Variants in THBS1 observed in about 807,000 individuals in gnomAD.
The protein encoded by THBS1 is thrombospondin-1.
A neutral mutation model predicts 126.1 loss-of-function variants in THBS1; 29 were observed. The observed-to-expected ratio is 0.23, with a 90% CI of 0.17 to 0.31. The LOEUF (loss-of-function observed/expected upper bound fraction) is 0.31. Among genes scored for constraint, THBS1 ranks in the 10% least tolerant of loss-of-function variants. THBS1 has a pLI of 1.00. For synonymous variants in THBS1, 496 were observed against 577.8 expected, an observed-to-expected ratio of 0.86 and a Z score of 2.03; for missense variants, 1,198 against 1,545.2, an observed-to-expected ratio of 0.78 and a Z score of 3.77.
rs1348698718 is a variant in THBS1, at chr15:39,597,687, T to A, written c.*2318T>A. 1.3e-5 allele frequency: 2 copies of A among 152,192 alleles called. No homozygotes were observed. The highest frequency in any genetic ancestry group is 4.8e-5 in the African/African-American group (2 of 41,444). The allele number at this position is 152,192 out of a possible 1,614,324, so 9.4% of individuals were successfully genotyped here. On this transcript the variant is annotated 3_prime_UTR_variant, in exon 22 of 22. Coordinates refer to ENST00000260356, the MANE Select transcript of THBS1 (RefSeq NM_003246.4). ...AAAAGAACAAAATGATACATTAGCCTGCCATATCAAAAACATATAAAAGAG... is the reference window on the plus strand; with the variant it reads ...AAAAGAACAAAATGATACATTAGCCAGCCATATCAAAAACATATAAAAGAG...
chr15:39,583,032 G>C (rs910854196), intron 3 of THBS1, among the ~76,000 whole-genome samples: 1 of 152,148 alleles, frequency 6.6e-6, no homozygotes, highest in Non-Finnish European at 1.5e-5. Context: ...ACAAGAAATG[G>C]TTTTCCTTTA....
At position 39,589,593 on chromosome 15, in the gene THBS1, A is replaced by G. The variant is rs897001181; in HGVS notation, c.1927-212A>G. Among the ~76,000 whole-genome samples, 1 of 152,238 alleles carries G rather than the reference A, an allele frequency of 6.6e-6. No individual in the cohort carries two copies. The highest frequency in any genetic ancestry group is 2.1e-4 in the South Asian group (1 of 4,828). On this transcript the variant is annotated intron_variant, in intron 12 of 21. Coordinates refer to ENST00000260356, the MANE Select transcript of THBS1 (RefSeq NM_003246.4). This position sits in a 1 kb window ranked among gnomAD's most constrained non-coding sequence, Gnocchi z 4.7. ...ATAAGTTGTGAGCAGATGGACTTGTAAACGCCTAGGTGCTGAGCAAATTCA... is the reference window on the plus strand; with the variant it reads ...ATAAGTTGTGAGCAGATGGACTTGTGAACGCCTAGGTGCTGAGCAAATTCA...
Position 39,593,097 on chromosome 15 carries a change from C to T in THBS1, c.2865C>T (p.Thr955=), listed in dbSNP as rs139289744. ...CTGAGAATGTTGACATCAGTGAGAC[C>T]GATTTCCGCCGATTCCAGATGATTC... ...ICPENVDISE[T]DFRRFQMIPL... Residue 955 remains threonine (T), a synonymous_variant, in exon 18 of 22, where the codon ACC becomes ACT. Transcript: ENST00000260356. The surrounding 1 kb of genome is among the most constrained non-coding windows in gnomAD (Gnocchi z 5.9). 2.4e-5 allele frequency: 38 copies of T among 1,596,036 alleles called. No individual in the cohort carries two copies. The African/African-American group carries it at 2.6e-4, about 11-fold the overall frequency.
At position 39,588,969 on chromosome 15, in the gene THBS1, G is replaced by A. The variant is rs538789781; in HGVS notation, c.1656G>A (p.Leu552=). The A allele has an allele frequency of 6.2e-7, 1 of 1,614,064 alleles. No homozygotes were observed. The highest frequency in any genetic ancestry group is 1.3e-5 in the African/African-American group (1 of 74,900). ...NKQDCPIDGC[L]SNPCFAGVKC... ...CTCTCCTTGTCTCAGATGGATGCCT[G>A]TCCAATCCCTGCTTTGCCGGCGTGA... Residue 552 remains leucine (L), a synonymous_variant, in exon 11 of 22, where the codon CTG becomes CTA. Transcript: ENST00000260356.
rs1483363641 is a variant in THBS1 at position 39,598,555 on chromosome 15, T to C, written c.*3186T>C. ...TTCTTGGATAGTGAAGCAAAACTGATTGAAAATACCAAGATAAGACAGAAA... is the reference window on the plus strand; with the variant it reads ...TTCTTGGATAGTGAAGCAAAACTGACTGAAAATACCAAGATAAGACAGAAA... On this transcript the variant is annotated 3_prime_UTR_variant, in exon 22 of 22. Coordinates refer to ENST00000260356, the MANE Select transcript of THBS1 (RefSeq NM_003246.4). 6.6e-6 allele frequency: 1 copy of C among 152,176 alleles called. No homozygotes were observed. Among genetic ancestry groups the C allele is most frequent in the Non-Finnish European group, 1.5e-5 (1 of 68,024 alleles). The allele number at this position is 152,176 out of a possible 1,614,324, so 9.4% of individuals were successfully genotyped here.
In THBS1 at chr15:39,587,364, G is replaced by C; in HGVS notation, c.1138G>C (p.Asp380His). ...PRCWPSDSAD[D>H]GWSPWSEWTS... ...CCCTGCAGCCAGCGACTCTGCGGAC[G>C]ATGGCTGGTCTCCATGGTCCGAGTG... The change falls in exon 8 of 22, where the codon GAT (aspartate) becomes CAT (histidine). Residue 380 changes from aspartate (D) to histidine (H), a missense_variant. Asp to His is a moderately conservative substitution (Grantham distance 81). Around this residue, in one of 4 missense-constraint regions of THBS1, gnomAD observed 663 missense variants for 860.1 expected, o/e 0.77. Coordinates refer to ENST00000260356, the MANE Select transcript of THBS1 (RefSeq NM_003246.4). 1 of 1,613,082 alleles carries C rather than the reference G, an allele frequency of 6.2e-7. No individual in the cohort carries two copies. Among genetic ancestry groups the C allele is most frequent in the Non-Finnish European group, 8.5e-7 (1 of 1,179,434 alleles).
chr15:39,588,282 C>T, intron 9 of THBS1, 64 bp downstream of exon 9: 6 of 1,555,488 alleles, frequency 3.9e-6, no homozygotes, highest in South Asian at 1.2e-5. Context: ...GGTTGCCTGG[C>T]ATCTGCAGCC....
chr15:39,594,099 G>A lies in THBS1; in HGVS notation c.3268G>A (p.Val1090Met). The A allele has an allele frequency of 1.2e-6, 2 of 1,613,368 alleles. No homozygotes were observed. Among genetic ancestry groups the A allele is most frequent in the Middle Eastern group, 1.6e-4 (1 of 6,062 alleles). ...ACCTTTCCTTTTCCTTTTCCTTCAG[G>A]TGCGCACCCTGTGGCATGACCCTCG... is the stretch of plus-strand genomic sequence containing the variant. ...LWHTGNTPGQ[V>M]RTLWHDPRHI... Residue 1090 changes from valine (V) to methionine (M), a missense_variant and splice_region_variant, in exon 20 of 22, where the codon GTG (valine) becomes ATG (methionine). This residue lies in a region of THBS1 where 255 missense variants were observed against 373.9 expected (regional missense o/e 0.68). Transcript: ENST00000260356. The surrounding 1 kb of genome is among the most constrained non-coding windows in gnomAD (Gnocchi z 4.4).
At position 39,581,639 on chromosome 15, in the gene THBS1, C is replaced by CCTCTCTCTCTCTCTCTCTCTCTCTCT. The variant is rs3138595; in HGVS notation, c.-29-186_-29-161dup. 349 of 365,966 alleles carry CCTCTCTCTCTCTCTCTCTCTCTCTCT rather than the reference C, an allele frequency of 9.5e-4. 13 individuals carry two copies. Among genetic ancestry groups the CCTCTCTCTCTCTCTCTCTCTCTCTCT allele is most frequent in the African/African-American group, 8.7e-3 (316 of 36,422 alleles). 22.7% of individuals were successfully genotyped at this position (365,966 alleles called of 1,614,324 possible). A position where few individuals can be genotyped will look rare whatever the true frequency, so the allele number is the denominator to read the frequency against. On this transcript the variant is annotated intron_variant, in intron 1 of 21. Coordinates refer to ENST00000260356, the MANE Select transcript of THBS1 (RefSeq NM_003246.4). ...TTAAAACCAGCATCTCTTTCCTCCA[C>CCTCTCTCTCTCTCTCTCTCTCTCTCT]CTCTCTCTCTCTCTCTCTCTCTCTC...
chr15:39,593,426 A>G lies in THBS1; in HGVS notation c.3025A>G (p.Ser1009Gly). 3 of 1,614,164 alleles carry G rather than the reference A, an allele frequency of 1.9e-6. No homozygotes were observed. Among genetic ancestry groups the G allele is most frequent in the East Asian group, 2.2e-5 (1 of 44,878 alleles). The change falls in exon 19 of 22, where the codon AGT (serine) becomes GGT (glycine). Residue 1009 changes from serine to glycine, a missense_variant. Physicochemically the swap from Ser to Gly is moderately conservative, Grantham distance 56. Coordinates refer to ENST00000260356, the MANE Select transcript of THBS1 (RefSeq NM_003246.4). This position sits in a 1 kb window ranked among gnomAD's most constrained non-coding sequence, Gnocchi z 5.9. Reference sequence around the variant, plus strand: ...TGATGAGTTTAATGCTGTGGACTTCAGTGGCACCTTCTTCATCAACACCGA... The same window carrying G: ...TGATGAGTTTAATGCTGTGGACTTCGGTGGCACCTTCTTCATCAACACCGA... Reference protein sequence around the residue: ...GYDEFNAVDFSGTFFINTERD... With the variant: ...GYDEFNAVDFGGTFFINTERD...
In THBS1 at chr15:39,585,466, G is replaced by A; in HGVS notation, c.1027-4G>A. ...TGTTCCCCTCTCACTCTCTTGCCCT[G>A]CAGAACTCAGTTACCATCTGCAAAA... On this transcript the variant is annotated splice_region_variant and splice_polypyrimidine_tract_variant and intron_variant, in intron 6 of 21. Transcript: ENST00000260356. 1.2e-6 allele frequency: 2 copies of A among 1,613,930 alleles called. No homozygotes were observed. The highest frequency in any genetic ancestry group is 1.6e-4 in the Middle Eastern group (1 of 6,062).
In THBS1 at chr15:39,582,672, A is replaced by G. The variant is rs980866667; in HGVS notation, c.547A>G (p.Ile183Val). 6.2e-7 allele frequency: 1 copy of G among 1,613,644 alleles called. No individual in the cohort carries two copies. Among genetic ancestry groups the G allele is most frequent in the Non-Finnish European group, 8.5e-7 (1 of 1,180,022 alleles). Residue 183 changes from isoleucine (I) to valine (V), a missense_variant, in exon 3 of 22, where the codon ATC becomes GTC. Coordinates refer to ENST00000260356, the MANE Select transcript of THBS1 (RefSeq NM_003246.4). ...GGAGAATGCTGAGTTGGACGTCCCCATCCAAAGCGTCTTCACCAGAGACCT... is the reference window on the plus strand; with the variant it reads ...GGAGAATGCTGAGTTGGACGTCCCCGTCCAAAGCGTCTTCACCAGAGACCT... ...KMENAELDVP[I>V]QSVFTRDLAS...
rs1323189360 is a variant in THBS1, at chr15:39,588,177, A to G, written c.1430A>G (p.Glu477Gly). ...PQMNGKPCEG[E>G]ARETKACKKD... ...ATGAACGGGAAACCCTGTGAAGGCG[A>G]AGCGCGGGAGACCAAAGCCTGCAAG... Residue 477 changes from glutamate to glycine, a missense_variant, in exon 9 of 22, where the codon GAA becomes GGA. Physicochemically the swap from Glu to Gly is moderately conservative, Grantham distance 98. Around this residue, in one of 4 missense-constraint regions of THBS1, gnomAD observed 663 missense variants for 860.1 expected, o/e 0.77. Transcript: ENST00000260356. 6.2e-7 allele frequency: 1 copy of G among 1,614,056 alleles called. No individual in the cohort carries two copies. Among genetic ancestry groups the G allele is most frequent in the Admixed American group, 1.7e-5 (1 of 60,014 alleles).
In THBS1 at chr15:39,589,897, G is replaced by A. The variant is rs1245988319; in HGVS notation, c.2019G>A (p.Met673Ile). ...ACCTGGGCCACTATAGCGACCCCATGTACCGCTGCGAGTGCAAGCCTGGCT... is the reference window on the plus strand; with the variant it reads ...ACCTGGGCCACTATAGCGACCCCATATACCGCTGCGAGTGCAAGCCTGGCT... The part of the protein sequence containing the change: ...CNYLGHYSDP[M>I]YRCECKPGYA... The change falls in exon 13 of 22, where the codon ATG (methionine) becomes ATA (isoleucine). Residue 673 changes from methionine (M) to isoleucine (I), a missense_variant. Around this residue, in one of 4 missense-constraint regions of THBS1, gnomAD observed 663 missense variants for 860.1 expected, o/e 0.77. Coordinates refer to ENST00000260356, the MANE Select transcript of THBS1 (RefSeq NM_003246.4). The surrounding 1 kb of genome is among the most constrained non-coding windows in gnomAD (Gnocchi z 4.7). The A allele has an allele frequency of 5.0e-6, 8 of 1,614,192 alleles. No homozygotes were observed. Among genetic ancestry groups the A allele is most frequent in the South Asian group, 3.3e-5 (3 of 91,072 alleles).
Position 39,589,061 on chromosome 15 carries a change from G to A in THBS1, c.1748G>A (p.Gly583Asp). 1 of 1,614,156 alleles carries A rather than the reference G, an allele frequency of 6.2e-7. No individual in the cohort carries two copies. Among genetic ancestry groups the A allele is most frequent in the Non-Finnish European group, 8.5e-7 (1 of 1,180,042 alleles). ...GACPPGYSGN[G>D]IQCTDVDECK... ...TGTCCCCCTGGTTACAGTGGAAATG[G>A]CATCCAGTGCACAGATGTTGATGAG... The change falls in exon 11 of 22, where the codon GGC becomes GAC. Residue 583 changes from glycine (G) to aspartate (D), a missense_variant. Transcript: ENST00000260356. The surrounding 1 kb of genome is among the most constrained non-coding windows in gnomAD (Gnocchi z 4.7).
At position 39,589,336 on chromosome 15, in the gene THBS1, T is replaced by C. The variant is rs149471947; in HGVS notation, c.1908T>C (p.His636=). The C allele has an allele frequency of 1.3e-5, 21 of 1,613,782 alleles. No individual in the cohort carries two copies. The highest frequency in any genetic ancestry group is 1.6e-5 in the Non-Finnish European group (19 of 1,180,028). The part of the protein sequence containing the change: ...GSQPFGQGVE[H]ATANKQVCKP... ...AGCCCTTCGGCCAGGGTGTCGAACA[T>C]GCCACGGCCAACAAACAGGTACAGT... The change falls in exon 12 of 22, where the codon CAT becomes CAC. Residue 636 remains histidine, a synonymous_variant. Coordinates refer to ENST00000260356, the MANE Select transcript of THBS1 (RefSeq NM_003246.4). This position sits in a 1 kb window ranked among gnomAD's most constrained non-coding sequence, Gnocchi z 4.7.
Position 39,598,698 on chromosome 15 carries a change from A to C in THBS1, c.*3329A>C, listed in dbSNP as rs1257763234. The C allele has an allele frequency of 6.6e-6, 1 of 152,210 alleles. No homozygotes were observed. The highest frequency in any genetic ancestry group is 2.4e-5 in the African/African-American group (1 of 41,448). The allele number at this position is 152,210 out of a possible 1,614,324, so 9.4% of individuals were successfully genotyped here. ...ACTTGTTAAAAATTAAAATTATGTC[A>C]TCGAGATGATAGCTTTTTTCCTCCT... is the stretch of plus-strand genomic sequence containing the variant. On this transcript the variant is annotated 3_prime_UTR_variant, in exon 22 of 22. Coordinates refer to ENST00000260356, the MANE Select transcript of THBS1 (RefSeq NM_003246.4).
Position 39,583,988 on chromosome 15 carries a change from C to A in THBS1, c.704C>A (p.Ser235Tyr). Reference sequence around the variant, plus strand: ...AAGTTTTCATTTTGTTTCTTGCCAGCTACCAGTGTCCTCCTCACCCTTGAC... The same window carrying A: ...AAGTTTTCATTTTGTTTCTTGCCAGATACCAGTGTCCTCCTCACCCTTGAC... ...DILRNKGCSS[S>Y]TSVLLTLDNN... The change falls in exon 5 of 22, where the codon TCT becomes TAT. Residue 235 changes from serine (S) to tyrosine (Y), a missense_variant and splice_region_variant. Around this residue, in one of 4 missense-constraint regions of THBS1, gnomAD observed 663 missense variants for 860.1 expected, o/e 0.77. Transcript: ENST00000260356. 1 of 1,614,198 alleles carries A rather than the reference C, an allele frequency of 6.2e-7. No homozygotes were observed. The highest frequency in any genetic ancestry group is 8.5e-7 in the Non-Finnish European group (1 of 1,180,036).
Position 39,592,735 on chromosome 15 carries a change from C to T in THBS1, c.2700C>T (p.Asn900=), listed in dbSNP as rs1890350781. The change falls in exon 17 of 22, where the codon AAC becomes AAT. Residue 900 remains asparagine (N), a synonymous_variant. Coordinates refer to ENST00000260356, the MANE Select transcript of THBS1 (RefSeq NM_003246.4). The surrounding 1 kb of genome is among the most constrained non-coding windows in gnomAD (Gnocchi z 4.3). The stretch of plus-strand genomic sequence containing the variant: ...ATGCCTGTGACCACGATGATGACAA[C>T]GATGGCATTCCTGATGACAAGGACA... ...KGDACDHDDD[N]DGIPDDKDNC... 5 of 1,614,182 alleles carry T rather than the reference C, an allele frequency of 3.1e-6. No individual in the cohort carries two copies. Among genetic ancestry groups the T allele is most frequent in the Non-Finnish European group, 3.4e-6 (4 of 1,180,036 alleles).
Sources: allele counts gnomAD v4.1 joint callset (sites outside exome capture counted in the v4.1 genomes callset), GRCh38; gene constraint gnomAD v4.1.1; regional missense constraint gnomAD v4.1.1; non-coding constraint Gnocchi (gnomAD v3.1); transcripts MANE v1.5; gene names NCBI Gene and HGNC (gene_info 2026-07-23, HGNC 2026-07-21).